KIF9: variants seen among roughly 807,000 people sequenced by gnomAD.
KIF9 encodes the protein kinesin-like protein KIF9.
A neutral mutation model predicts 94.8 loss-of-function variants in KIF9; 68 were observed. That is an observed-to-expected ratio of 0.72 (90% CI 0.59 to 0.88). KIF9 has a LOEUF of 0.88. Ranked by LOEUF, KIF9 falls within the 40% of genes least tolerant of loss-of-function variation. The pLI is 0.00. For synonymous variants in KIF9, 343 were observed against 362.1 expected, an observed-to-expected ratio of 0.95 and a Z score of 0.60; for missense variants, 882 against 982.5, an observed-to-expected ratio of 0.90 and a Z score of 1.37.
At chr3:47,279,983 C>T (rs1702228723) in intron 1 of KIF9, among the ~76,000 whole-genome samples, 2 of 152,128 alleles carry the variant, frequency 1.3e-5, no homozygotes, top group Admixed American at 1.3e-4. Flanking sequence ...CAGACAGAGT[C>T]TCGATCTCTC....
intron 2 of KIF9, among the ~76,000 whole-genome samples, chr3:47,276,631 T>C (rs1316736370): frequency 1.3e-5 from 2 of 151,952 alleles, no homozygotes; most frequent in Non-Finnish European, 2.9e-5. Flanking sequence ...TGTGCTTCTG[T>C]GTTCGCTGAA....
chr3:47,257,428 G>T, intron 10 of KIF9, 55 bp downstream of exon 10: 3 of 1,493,504 alleles, frequency 2.0e-6, no homozygotes, highest in Non-Finnish European at 2.8e-6. Context: ...GACCCAAGCA[G>T]CAAACCCATA....
chr3:47,241,879 TATA>T (rs1699574286), intron 16 of KIF9, among the ~76,000 whole-genome samples: 1 of 99,776 alleles, frequency 1.0e-5, no homozygotes, highest in African/African-American at 4.1e-5. Context: ...TATATATATA[TATA>T]TATTTTTTTT....
Position 47,247,438 on chromosome 3 carries a change from T to C in KIF9, c.1168A>G (p.Ile390Val), listed in dbSNP as rs1411414125. ...TGGGAGTTGATCTCAGCAATCTGGA[T>C]TTCATCCATGGGGTCATAGGTCACA... Reference protein sequence around the residue: ...TFVTYDPMDEIQIAEINSQVR... With the variant: ...TFVTYDPMDEVQIAEINSQVR... Residue 390 changes from isoleucine (I) to valine (V), a missense_variant, in exon 12 of 21, where the codon ATC becomes GTC. Transcript: ENST00000684063. 1 of 1,613,966 alleles carries C rather than the reference T, an allele frequency of 6.2e-7. No individual in the cohort carries two copies. The highest frequency in any genetic ancestry group is 8.5e-7 in the Non-Finnish European group (1 of 1,179,842).
intron 13 of KIF9, 107 bp downstream of exon 13, chr3:47,246,090 C>T: frequency 1.1e-6 from 1 of 938,744 alleles, no homozygotes; most frequent in Non-Finnish European, 1.6e-6. Context: ...TGATTTGGCT[C>T]TTCATCCACA....
At chr3:47,272,322 G>C (rs901222073) in intron 4 of KIF9, among the ~76,000 whole-genome samples, 6 of 152,100 alleles carry the variant, frequency 3.9e-5, no homozygotes, top group African/African-American at 1.2e-4. Flanking sequence ...ACAGATGGCT[G>C]CTGAGTATCT....
intron 20 of KIF9, among the ~76,000 whole-genome samples, chr3:47,229,060 C>T (rs1466380075): frequency 6.6e-6 from 1 of 152,152 alleles, no homozygotes; most frequent in Admixed American, 6.5e-5. Flanking sequence ...TTCAGAAGGG[C>T]CCTCTCTTTG....
intron 17 of KIF9, 53 bp downstream of exon 17, chr3:47,240,748 C>T: frequency 4.0e-6 from 6 of 1,485,158 alleles, no homozygotes; most frequent in Non-Finnish European, 5.6e-6. Flanking sequence ...CTGCTTCAAC[C>T]AGCATGACTC....
chr3:47,259,061 A>T (rs1475131570), intron 9 of KIF9, among the ~76,000 whole-genome samples: 4 of 152,156 alleles, frequency 2.6e-5, no homozygotes, highest in Admixed American at 6.5e-5. Context: ...GGGAGGGCAG[A>T]TGCTCAGGCC....
At chr3:47,244,522 C>G in intron 15 of KIF9, 1 of 395,792 alleles carries the variant, frequency 2.5e-6, no homozygotes, top group Non-Finnish European at 4.6e-6. Flanking sequence ...GTGACTTCCC[C>G]TCTCTAAGCC....
chr3:47,231,046 A>AT (rs143983005), intron 20 of KIF9, among the ~76,000 whole-genome samples: 18,929 of 152,096 alleles, frequency 0.12, 1,548 homozygotes, highest in East Asian at 0.29. Context: ...CTAAAAAAAA[A>AT]AGTTACCTAA....
chr3:47,228,826 G>T, intron 20 of KIF9, 124 bp from the exon 21 acceptor site: 1 of 769,456 alleles, frequency 1.3e-6, no homozygotes. Flanking sequence ...TGTGGACAAG[G>T]ATTCCTTCTG....
In KIF9 at chr3:47,282,638, A is replaced by C; in HGVS notation, c.-149T>G. The C allele has an allele frequency of 8.7e-7, 1 of 1,150,438 alleles. No individual in the cohort carries two copies. Among genetic ancestry groups the C allele is most frequent in the Non-Finnish European group, 1.1e-6 (1 of 928,948 alleles). 71.3% of individuals were successfully genotyped at this position (1,150,438 alleles called of 1,614,324 possible). On this transcript the variant is annotated 5_prime_UTR_variant, in exon 1 of 21. Transcript: ENST00000684063. Reference sequence around the variant, plus strand: ...GATTCCGGAAGTGTCGGGGTGGCGGAAATGAAGTCCGAGGTCCTACGTCGA... The same window carrying C: ...GATTCCGGAAGTGTCGGGGTGGCGGCAATGAAGTCCGAGGTCCTACGTCGA...
Position 47,236,528 on chromosome 3 carries a change from G to C in KIF9, c.2016C>G (p.Ser672Arg), listed in dbSNP as rs376957774. ...TGAGGTCACGCAGGTCCTGGTACTC[G>C]CTGCGGTACTGCTTCTTGAGGTCTT... Reference protein sequence around the residue: ...KLKDLKKQYRSEYQDLRDLRA... With the variant: ...KLKDLKKQYRREYQDLRDLRA... The change falls in exon 18 of 21, where the codon AGC becomes AGG. Residue 672 changes from serine (S) to arginine (R), a missense_variant. Ser to Arg is a moderately radical substitution (Grantham distance 110). Coordinates refer to ENST00000684063, the MANE Select transcript of KIF9 (RefSeq NM_182902.4). The C allele has an allele frequency of 9.9e-6, 16 of 1,613,862 alleles. No homozygotes were observed. The highest frequency in any genetic ancestry group is 1.4e-5 in the Non-Finnish European group (16 of 1,179,828).
rs1699290965 is a variant in KIF9, at chr3:47,239,285, G to A, written c.1924+1516C>T. Among the ~76,000 whole-genome samples, 4 of 152,304 alleles carry A rather than the reference G, an allele frequency of 2.6e-5. No individual in the cohort carries two copies. In the South Asian group the frequency reaches 8.3e-4, roughly 32 times the overall value. ...AGGTGTATTTAGGAGTAAATGATATGCCAGCATACCATGCGTATATTTTAT... is the reference window on the plus strand; with the variant it reads ...AGGTGTATTTAGGAGTAAATGATATACCAGCATACCATGCGTATATTTTAT... On this transcript the variant is annotated intron_variant, in intron 17 of 20. Transcript: ENST00000684063.
chr3:47,245,554 G>T, intron 13 of KIF9, 43 bp from the exon 14 acceptor site: 3 of 1,487,396 alleles, frequency 2.0e-6, no homozygotes, highest in Non-Finnish European at 2.8e-6. Context: ...CTGGGGCCAT[G>T]CTGAATCCAC....
At chr3:47,245,549 G>T in intron 13 of KIF9, 38 bp from the exon 14 acceptor site, 1 of 1,515,262 alleles carries the variant, frequency 6.6e-7, no homozygotes. Flanking sequence ...TGTACCTGGG[G>T]CCATGCTGAA....
chr3:47,257,402 G>A, intron 10 of KIF9, 81 bp downstream of exon 10: 1 of 1,241,500 alleles, frequency 8.1e-7, no homozygotes, highest in Non-Finnish European at 1.2e-6. Flanking sequence ...GGCAGGAAGG[G>A]AAGGCTCGCT....
intron 1 of KIF9, chr3:47,281,321 C>T: frequency 2.7e-6 from 1 of 368,444 alleles, no homozygotes; most frequent in South Asian, 4.8e-5. Context: ...CACCTCACCA[C>T]ACGCTTTTTT....
Sources: allele counts gnomAD v4.1 joint callset (sites outside exome capture counted in the v4.1 genomes callset), GRCh38; gene constraint gnomAD v4.1.1; transcripts MANE v1.5; gene names NCBI Gene and HGNC (gene_info 2026-07-23, HGNC 2026-07-21).